The following ZNF714 variants were observed in gnomAD, a reference collection of about 807,000 sequenced individuals.
ZNF714 encodes zinc finger protein 714.
ZNF714 carries 32 observed loss-of-function variants against 46.2 expected under a neutral mutation model. The ratio of observed to expected loss-of-function variants is 0.69; its 90% CI spans 0.52 to 0.93. The LOEUF (loss-of-function observed/expected upper bound fraction) is 0.93, where lower values mean the gene tolerates loss of function less well. Among genes scored for constraint, ZNF714 ranks in the 40% least tolerant of loss-of-function variants. ZNF714 has a pLI of 0.00. For synonymous variants in ZNF714, 199 were observed against 213.1 expected, an observed-to-expected ratio of 0.93 and a Z score of 0.58; for missense variants, 635 against 646.3, an observed-to-expected ratio of 0.98 and a Z score of 0.19.
chr19:21,107,074 C>T (rs1233481418), intron 4 of ZNF714, among the ~76,000 whole-genome samples: 1 of 152,196 alleles, frequency 6.6e-6, no homozygotes, highest in African/African-American at 2.4e-5. Flanking sequence ...ATCCACCCAC[C>T]TCAGCCTCCC....
Position 21,121,233 on chromosome 19 carries a change from A to G in ZNF714, c.*2901A>G. 1.3e-5 allele frequency: 2 copies of G among 152,220 alleles called. No homozygotes were observed. Among genetic ancestry groups the G allele is most frequent in the Non-Finnish European group, 2.9e-5 (2 of 68,070 alleles). The allele number at this position is 152,220 out of a possible 1,614,324, so 9.4% of individuals were successfully genotyped here. A position where few individuals can be genotyped will look rare whatever the true frequency, so the allele number is the denominator to read the frequency against. ...TTTTTAGTAGAGATGGGGTTTCACC[A>G]TGTTAGCCAGGATGGTCTCAATCTC... On this transcript the variant is annotated 3_prime_UTR_variant, in exon 5 of 5. Transcript: ENST00000456283.
Position 21,104,037 on chromosome 19 carries a change from A to T in ZNF714, c.142+5127A>T, listed in dbSNP as rs145253201. On this transcript the variant is annotated intron_variant, in intron 4 of 4. Transcript: ENST00000456283. ...CATTTTACCCTCTCCGCGGCCCTTG[A>T]CAAACACCGTTCCACTTTGTTTTTA... Among the ~76,000 whole-genome samples the T allele has an allele frequency of 4.2e-3, 640 of 152,212 alleles. 6 individuals carry two copies. Among genetic ancestry groups the T allele is most frequent in the African/African-American group, 0.014 (588 of 41,464 alleles).
chr19:21,083,867 T>C, intron 1 of ZNF714, 111 bp from the exon 2 acceptor site: 1 of 404,030 alleles, frequency 2.5e-6, no homozygotes. Context: ...CTTTAGTTTT[T>C]TTCTGGTCGT....
intron 2 of ZNF714, among the ~76,000 whole-genome samples, chr19:21,084,631 T>C (rs1347112058): frequency 6.6e-6 from 1 of 152,230 alleles, no homozygotes; most frequent in African/African-American, 2.4e-5. Flanking sequence ...TGAAGAGATT[T>C]GTTCACTTAT....
rs964232621 is a variant in ZNF714, at chr19:21,115,551, AT to A, written c.143-1247del. Among the ~76,000 whole-genome samples, 76 of 149,644 alleles carry A rather than the reference AT, an allele frequency of 5.1e-4. 1 individual carries two copies. The highest frequency in any genetic ancestry group is 3.7e-3 in the Admixed American group (56 of 15,020). On this transcript the variant is annotated intron_variant, in intron 4 of 4. Transcript: ENST00000456283. ...CTGGTATTATTCTCACTTGATAGCTATTTTTTTTTAGGACTTTGGCTATATC... is the reference window on the plus strand; with the variant it reads ...CTGGTATTATTCTCACTTGATAGCTATTTTTTTTAGGACTTTGGCTATATC...
rs145708118 is a variant in ZNF714, at chr19:21,113,945, G to A, written c.143-2862G>A. Among the ~76,000 whole-genome samples the A allele has an allele frequency of 7.3e-3, 1,105 of 152,174 alleles. 16 individuals carry two copies. The highest frequency in any genetic ancestry group is 0.026 in the African/African-American group (1,077 of 41,512). ...TGAGTTCAAGCCTTGTTACTTTTCT[G>A]TCTCAATGATCTGTCTAATATTAAC... On this transcript the variant is annotated intron_variant, in intron 4 of 4. Transcript: ENST00000456283.
chr19:21,094,501 C>T (rs1024004238), intron 2 of ZNF714, among the ~76,000 whole-genome samples: 2 of 152,158 alleles, frequency 1.3e-5, no homozygotes, highest in Non-Finnish European at 1.5e-5. Flanking sequence ...TATAAACATT[C>T]CATTTTCTCT....
intron 2 of ZNF714, chr19:21,091,896 G>C (rs1272778289): frequency 6.6e-6 from 1 of 152,194 alleles, no homozygotes; most frequent in African/African-American, 2.4e-5. Flanking sequence ...CATCTACAAT[G>C]AGGGCAATGT....
intron 2 of ZNF714, among the ~76,000 whole-genome samples, chr19:21,090,419 C>T (rs1171864906): frequency 6.6e-6 from 1 of 152,156 alleles, no homozygotes; most frequent in Non-Finnish European, 1.5e-5. Context: ...CTGTAGATGC[C>T]TAATTCTGTC....
chr19:21,091,724 G>C (rs532813241), intron 2 of ZNF714: 2 of 151,202 alleles, frequency 1.3e-5, no homozygotes, highest in Admixed American at 6.6e-5. Flanking sequence ...GACTTTTCCT[G>C]GGTTGTACTT....
intron 4 of ZNF714, among the ~76,000 whole-genome samples, chr19:21,107,006 T>C (rs1203091384): frequency 6.6e-6 from 1 of 151,924 alleles, no homozygotes; most frequent in Non-Finnish European, 1.5e-5. Flanking sequence ...TTTGTATTCT[T>C]AGTAGAGACA....
chr19:21,103,545 T>G (rs1218623425), intron 4 of ZNF714, among the ~76,000 whole-genome samples: 1 of 152,000 alleles, frequency 6.6e-6, no homozygotes, highest in Non-Finnish European at 1.5e-5. Context: ...AGAGCGAGAT[T>G]ATGTCTCAAA....
rs1441243566 is a variant in ZNF714 at position 21,121,465 on chromosome 19, T to C, written c.*3133T>C. On this transcript the variant is annotated 3_prime_UTR_variant, in exon 5 of 5. Coordinates refer to ENST00000456283, the MANE Select transcript of ZNF714 (RefSeq NM_182515.4). ...TAAATAAAATTCATTTCTAAACTAT[T>C]AATATTTTTTCCAAATTGTTATATA... The C allele has an allele frequency of 6.6e-6, 1 of 152,204 alleles. No homozygotes were observed. The highest frequency in any genetic ancestry group is 2.4e-5 in the African/African-American group (1 of 41,464). The allele number at this position is 152,204 out of a possible 1,614,324, so 9.4% of individuals were successfully genotyped here. A position where few individuals can be genotyped will look rare whatever the true frequency, so the allele number is the denominator to read the frequency against.
chr19:21,104,763 C>T (rs1242785412), intron 4 of ZNF714, among the ~76,000 whole-genome samples: 1 of 151,800 alleles, frequency 6.6e-6, no homozygotes, highest in Non-Finnish European at 1.5e-5. Context: ...CAGGTACCTG[C>T]CATCATGCCT....
Position 21,117,365 on chromosome 19 carries a change from G to A in ZNF714, c.701G>A (p.Cys234Tyr). The change falls in exon 5 of 5, where the codon TGT becomes TAT. Residue 234 changes from cysteine to tyrosine, a missense_variant. By Grantham distance (194) the Cys-to-Tyr change is radical. Coordinates refer to ENST00000456283, the MANE Select transcript of ZNF714 (RefSeq NM_182515.4). ...TGEKPYRCEECGKAFYHSSHL... is the reference protein window; with the variant it reads ...TGEKPYRCEEYGKAFYHSSHL... ...GAGAAACCCTACAGATGTGAAGAAT[G>A]TGGCAAAGCCTTCTACCATTCTTCA... The A allele has an allele frequency of 1.2e-6, 2 of 1,613,116 alleles. No individual in the cohort carries two copies. Among genetic ancestry groups the A allele is most frequent in the Non-Finnish European group, 1.7e-6 (2 of 1,179,326 alleles).
chr19:21,115,906 CTG>C (rs1431505784), intron 4 of ZNF714, among the ~76,000 whole-genome samples: 1 of 150,338 alleles, frequency 6.7e-6, no homozygotes, highest in Admixed American at 6.6e-5. Context: ...CTATAGTTCT[CTG>C]TATTCCTATT....
chr19:21,097,660 ACAAT>A (rs1206562681), intron 2 of ZNF714, among the ~76,000 whole-genome samples: 1 of 152,166 alleles, frequency 6.6e-6, no homozygotes, highest in East Asian at 1.9e-4. Flanking sequence ...TGGGAAAAAC[ACAAT>A]CTCTTTCACT....
chr19:21,112,974 C>G (rs1969493757), intron 4 of ZNF714, among the ~76,000 whole-genome samples: 1 of 151,480 alleles, frequency 6.6e-6, no homozygotes, highest in Admixed American at 6.6e-5. Context: ...CAGCACCCAC[C>G]ACCATGCTGG....
chr19:21,120,725 C>T lies in ZNF714; in HGVS notation c.*2393C>T, dbSNP rs779066099. On this transcript the variant is annotated 3_prime_UTR_variant, in exon 5 of 5. Transcript: ENST00000456283. ...GAAGGGTATAGGTAAAAGATGGTAA[C>T]GATATACTATTTAGTAACATAATGG... is the stretch of plus-strand genomic sequence containing the variant. 29 of 152,010 alleles carry T rather than the reference C, an allele frequency of 1.9e-4. No individual in the cohort carries two copies. Among genetic ancestry groups the T allele is most frequent in the Non-Finnish European group, 3.4e-4 (23 of 67,968 alleles). 9.4% of individuals were successfully genotyped at this position (152,010 alleles called of 1,614,324 possible).
Sources: gnomAD v4.1 joint callset for allele counts (sites outside exome capture counted in the v4.1 genomes callset) on GRCh38, gnomAD v4.1.1 for gene constraint, MANE v1.5 for transcripts, NCBI Gene and HGNC (gene_info 2026-07-23, HGNC 2026-07-21) for gene names.